The following CCDC171 variants were observed in gnomAD, a reference collection of about 807,000 sequenced individuals.
CCDC171 encodes the protein coiled-coil domain-containing protein 171.
A neutral mutation model predicts 168.2 loss-of-function variants in CCDC171; 177 were observed. The observed-to-expected ratio is 1.05, with a 90% CI of 0.93 to 1.19. The LOEUF is 1.19. CCDC171 is among the 50% of genes most tolerant of loss of function. The pLI, the probability that CCDC171 is intolerant of heterozygous loss-of-function variation, is 0.00. For missense variants in CCDC171, 1,991 were observed against 1,539.0 expected (o/e 1.29, Z -4.91); for synonymous variants, 687 against 540.8 (o/e 1.27, Z -3.75).
intron 25 of CCDC171, among the ~76,000 whole-genome samples, chr9:15,927,567 T>G (rs893267756): frequency 6.6e-6 from 1 of 151,740 alleles, no homozygotes; most frequent in African/African-American, 2.4e-5. Flanking sequence ...TATTTATGAG[T>G]AAATAATAAA....
chr9:16,038,100 C>G (rs1489432503), upstream of CCDC171, among the ~76,000 whole-genome samples: 1 of 152,014 alleles, frequency 6.6e-6, no homozygotes, highest in African/African-American at 2.4e-5. Context: ...TTCTTGACAG[C>G]AACAACAGAT....
intron 7 of CCDC171, among the ~76,000 whole-genome samples, chr9:15,649,924 A>C (rs36158747): frequency 1.3e-5 from 2 of 152,228 alleles, no homozygotes; most frequent in Non-Finnish European, 2.9e-5. Context: ...ATTATAAATC[A>C]TGCTGCTATA....
intron 6 of CCDC171, among the ~76,000 whole-genome samples, chr9:15,598,254 T>C (rs1336308659): frequency 1.3e-5 from 2 of 152,184 alleles, no homozygotes; most frequent in Non-Finnish European, 2.9e-5. Context: ...GTGTCAATTT[T>C]AGATCTTTCC....
intron 24 of CCDC171, among the ~76,000 whole-genome samples, chr9:15,917,080 T>C (rs1824632851): frequency 6.6e-6 from 1 of 152,028 alleles, no homozygotes; most frequent in African/African-American, 2.4e-5. Flanking sequence ...AGACTGTCAT[T>C]TCCATTTCTT....
chr9:15,894,614 T>C (rs1820663138), intron 24 of CCDC171, among the ~76,000 whole-genome samples: 1 of 152,036 alleles, frequency 6.6e-6, no homozygotes, highest in Non-Finnish European at 1.5e-5. Flanking sequence ...TTCACTGAAC[T>C]ATAGTGACAC....
rs144956198 is a variant in CCDC171, at chr9:15,673,030, T to G, written c.1077-5728T>G. Reference sequence around the variant, plus strand: ...TTTGTTTGTGTCCTCTTTTATTTCCTTGAGCAGTGGTTTGTAGTTCTCCTT... The same window carrying G: ...TTTGTTTGTGTCCTCTTTTATTTCCGTGAGCAGTGGTTTGTAGTTCTCCTT... On this transcript the variant is annotated intron_variant, in intron 9 of 25. Transcript: ENST00000380701. 3.6e-3 allele frequency among the ~76,000 whole-genome samples: 553 copies of G among 152,324 alleles called. 5 individuals carry two copies. The highest frequency in any genetic ancestry group is 0.013 in the African/African-American group (522 of 41,574).
Position 15,692,418 on chromosome 9 carries a change from A to G in CCDC171, c.1216-2817A>G, listed in dbSNP as rs545870675. ...TTGTTTGTTGGCTTATTTACTTTTT[A>G]CTCTTTTTTAAAAATCTAACTTTTT... is the stretch of plus-strand genomic sequence containing the variant. On this transcript the variant is annotated intron_variant, in intron 10 of 25. Transcript: ENST00000380701. Among the ~76,000 whole-genome samples, 24 of 146,762 alleles carry G rather than the reference A, an allele frequency of 1.6e-4. No individual in the cohort carries two copies. The South Asian group carries it at 5.6e-3, about 34-fold the overall frequency.
the CCDC171 span, among the ~76,000 whole-genome samples, chr9:16,069,604 A>G: frequency 1.3e-5 from 2 of 152,270 alleles, no homozygotes; most frequent in East Asian, 1.9e-4. Flanking sequence ...GTGCTACATT[A>G]GAATTTATAA....
chr9:15,590,410 T>C (rs562932511), intron 4 of CCDC171, among the ~76,000 whole-genome samples: 1 of 152,222 alleles, frequency 6.6e-6, no homozygotes, highest in African/African-American at 2.4e-5. Flanking sequence ...TTATTTCTAG[T>C]GAGAATCAGA....
At chr9:15,684,948 A>G (rs138525451) in intron 10 of CCDC171, among the ~76,000 whole-genome samples, 2 of 152,184 alleles carry the variant, frequency 1.3e-5, no homozygotes, top group Non-Finnish European at 2.9e-5. Context: ...TTGGGTGATG[A>G]GTAAATGTTC....
chr9:15,664,567 T>TAC lies in CCDC171; in HGVS notation c.916-1575_916-1574dup, dbSNP rs34252519. 2.7e-4 allele frequency among the ~76,000 whole-genome samples: 39 copies of TAC among 144,090 alleles called. 1 individual carries two copies. Among genetic ancestry groups the TAC allele is most frequent in the East Asian group, 8.3e-4 (4 of 4,824 alleles). The allele number at this position is 144,090 out of a possible 152,430, so 94.5% of individuals were successfully genotyped here. ...CTTGGCCTGTAGGCCCTTAAATTTA[T>TAC]ACACACACACACACACACACACTCA... On this transcript the variant is annotated intron_variant, in intron 8 of 25. Transcript: ENST00000380701.
chr9:15,671,708 A>G (rs1247155496), intron 9 of CCDC171, among the ~76,000 whole-genome samples: 1 of 152,076 alleles, frequency 6.6e-6, no homozygotes, highest in Non-Finnish European at 1.5e-5. Context: ...TTATGGCTGT[A>G]TAGTATTCCA....
intron 8 of CCDC171, among the ~76,000 whole-genome samples, chr9:16,036,967 A>T (rs549414107): frequency 1.8e-4 from 28 of 152,332 alleles, no homozygotes; most frequent in South Asian, 4.1e-4. Flanking sequence ...GAGCTGAAAA[A>T]GTTGTGCTCA....
At chr9:15,778,925 AT>A in intron 19 of CCDC171, 42 bp from the exon 20 acceptor site, 1 of 1,330,044 alleles carries the variant, frequency 7.5e-7, no homozygotes, top group African/African-American at 1.5e-5. Context: ...TTGTTAGTAA[AT>A]CTGTAGTTAC....
chr9:16,071,099 G>A, the CCDC171 span, among the ~76,000 whole-genome samples: 1 of 152,212 alleles, frequency 6.6e-6, no homozygotes, highest in Non-Finnish European at 1.5e-5. Flanking sequence ...CCGTCACAGT[G>A]AGAGAGGCTG....
At chr9:16,013,638 A>AG (rs1184664804) in intron 3 of CCDC171, among the ~76,000 whole-genome samples, 1 of 152,246 alleles carries the variant, frequency 6.6e-6, no homozygotes, top group Non-Finnish European at 1.5e-5. Context: ...AGATAAAAAA[A>AG]GCACAGGTAT....
At chr9:15,957,468 C>A (rs1829913331) in intron 25 of CCDC171, among the ~76,000 whole-genome samples, 1 of 152,178 alleles carries the variant, frequency 6.6e-6, no homozygotes, top group African/African-American at 2.4e-5. Flanking sequence ...AGATTTTACA[C>A]TGTATATGTC....
chr9:15,875,365 A>G (rs1239489016), intron 24 of CCDC171: 2 of 151,930 alleles, frequency 1.3e-5, no homozygotes, highest in East Asian at 1.9e-4. Context: ...ATTTTATGTC[A>G]CTATTGTATT....
intron 10 of CCDC171, among the ~76,000 whole-genome samples, 191 bp downstream of exon 10, chr9:15,679,087 G>A (rs1294966257): frequency 1.3e-5 from 2 of 151,598 alleles, no homozygotes; most frequent in Non-Finnish European, 2.9e-5. Flanking sequence ...TCTCTGATTT[G>A]GAATAATTGG....
Sources: allele counts gnomAD v4.1 joint callset (sites outside exome capture counted in the v4.1 genomes callset), GRCh38; gene constraint gnomAD v4.1.1; transcripts MANE v1.5; gene names NCBI Gene and HGNC (gene_info 2026-07-23, HGNC 2026-07-21).